The following GATB variants were observed in gnomAD, a reference collection of about 807,000 sequenced individuals.
The protein encoded by GATB is glutamyl-tRNA amidotransferase subunit B.
In GATB, 39 loss-of-function variants were observed where a neutral mutation model predicts 62.3. That is an observed-to-expected ratio of 0.63 (90% confidence interval 0.48 to 0.82). The LOEUF (loss-of-function observed/expected upper bound fraction) is 0.82. Ranked by LOEUF, GATB falls within the 40% of genes least tolerant of loss-of-function variation. The pLI, the probability that GATB is intolerant of heterozygous loss-of-function variation, is 0.00. For missense variants in GATB, 670 were observed against 684.0 expected (o/e 0.98, Z 0.23); for synonymous variants, 276 against 258.9 (o/e 1.07, Z -0.63).
At chr4:151,698,405 C>T (rs1367476683) in intron 9 of GATB, among the ~76,000 whole-genome samples, 1 of 152,086 alleles carries the variant, frequency 6.6e-6, no homozygotes, top group Non-Finnish European at 1.5e-5. Flanking sequence ...TGGGCATGTG[C>T]ATAATGCTTA....
intron 10 of GATB, among the ~76,000 whole-genome samples, chr4:151,686,434 A>G (rs12641438): frequency 0.42 from 63,335 of 151,674 alleles, 13,702 homozygotes; most frequent in South Asian, 0.57. Context: ...TTATTTGTCA[A>G]TATCTGTCTG....
At chr4:151,673,406 G>A (rs1737923514) in intron 11 of GATB, 1 of 153,332 alleles carries the variant, frequency 6.5e-6, no homozygotes, top group Non-Finnish European at 1.5e-5. Flanking sequence ...CCTGCAGGAG[G>A]TAACCACGGT....
chr4:151,702,832 G>A (rs896378062), intron 8 of GATB, among the ~76,000 whole-genome samples: 3 of 152,158 alleles, frequency 2.0e-5, no homozygotes, highest in African/African-American at 7.2e-5. Context: ...AGAAGTGGTG[G>A]TTTGGAGGGA....
chr4:151,689,594 C>T (rs1738321601), intron 9 of GATB, among the ~76,000 whole-genome samples: 1 of 152,168 alleles, frequency 6.6e-6, no homozygotes, highest in African/African-American at 2.4e-5. Flanking sequence ...TGGGCCATGG[C>T]AGCTGCTCAG....
chr4:151,696,941 A>G (rs1233533836), intron 9 of GATB, among the ~76,000 whole-genome samples: 1 of 152,232 alleles, frequency 6.6e-6, no homozygotes, highest in African/African-American at 2.4e-5. Flanking sequence ...TCAGAATCCT[A>G]ATGCCTGGAT....
At chr4:151,702,981 G>T (rs974237317) in intron 8 of GATB, among the ~76,000 whole-genome samples, 5 of 152,144 alleles carry the variant, frequency 3.3e-5, no homozygotes. Context: ...CTGAAGCCAC[G>T]GGCGGATGGA....
At chr4:151,724,428 A>G (rs1386440156) in intron 2 of GATB, 1 of 152,114 alleles carries the variant, frequency 6.6e-6, no homozygotes, top group Non-Finnish European at 1.5e-5. Flanking sequence ...TTGAAGGATA[A>G]ATCTGTTCAT....
At chr4:151,712,191 T>A (rs1273313497) in intron 5 of GATB, among the ~76,000 whole-genome samples, 1 of 152,358 alleles carries the variant, frequency 6.6e-6, no homozygotes, top group Non-Finnish European at 1.5e-5. Context: ...TCATTTAGTA[T>A]CCTGCAGTGT....
intron 10 of GATB, among the ~76,000 whole-genome samples, chr4:151,685,177 C>T (rs1039005222): frequency 3.3e-5 from 5 of 152,204 alleles, no homozygotes; most frequent in Admixed American, 6.5e-5. Context: ...CCTCCAGAAG[C>T]GCAAACACCT....
intron 9 of GATB, among the ~76,000 whole-genome samples, chr4:151,691,354 G>A (rs917618089): frequency 7.9e-5 from 12 of 152,172 alleles, no homozygotes; most frequent in Non-Finnish European, 1.6e-4. Context: ...CAGCAGGCAT[G>A]AGCGGTCCTG....
At chr4:151,748,466 A>C (rs1739648701) in intron 2 of GATB, among the ~76,000 whole-genome samples, 1 of 152,252 alleles carries the variant, frequency 6.6e-6, no homozygotes, top group African/African-American at 2.4e-5. Context: ...CATATGTAGA[A>C]AGCTGAAACT....
chr4:151,716,948 A>G lies in GATB; in HGVS notation c.568T>C (p.Leu190=), dbSNP rs554948125. 6.8e-6 allele frequency: 11 copies of G among 1,614,146 alleles called. No homozygotes were observed. Among genetic ancestry groups the G allele is most frequent in the Middle Eastern group, 1.6e-4 (1 of 6,062 alleles). The part of the protein sequence containing the change: ...PKTVRIKQIQ[L]EQDSGKSLHD... ...AGGCTTTTGCCACTGTCTTGCTCCAACTGGATCTGCTTGATCCTCACCGTC... is the reference window on the plus strand; with the variant it reads ...AGGCTTTTGCCACTGTCTTGCTCCAGCTGGATCTGCTTGATCCTCACCGTC... Residue 190 remains leucine (L), a synonymous_variant, in exon 4 of 13, where the codon TTG becomes CTG. Coordinates refer to ENST00000263985, the MANE Select transcript of GATB (RefSeq NM_004564.3).
At chr4:151,697,668 T>C (rs1738496609) in intron 9 of GATB, among the ~76,000 whole-genome samples, 1 of 148,766 alleles carries the variant, frequency 6.7e-6, no homozygotes, top group Non-Finnish European at 1.5e-5. Context: ...ATAATATATA[T>C]AAATTTATAT....
chr4:151,694,764 T>C (rs760682366), intron 9 of GATB, among the ~76,000 whole-genome samples: 1 of 152,222 alleles, frequency 6.6e-6, no homozygotes, highest in African/African-American at 2.4e-5. Flanking sequence ...ATATGGGATA[T>C]ATAGATATTT....
chr4:151,678,113 CAAA>C (rs1184028744), intron 11 of GATB, among the ~76,000 whole-genome samples: 9 of 151,514 alleles, frequency 5.9e-5, no homozygotes, highest in Admixed American at 4.6e-4. Context: ...GGTAGAAAAA[CAAA>C]AAAAACCCCA....
chr4:151,676,846 G>T (rs1347011121), intron 11 of GATB, among the ~76,000 whole-genome samples: 3 of 152,192 alleles, frequency 2.0e-5, no homozygotes, highest in African/African-American at 7.2e-5. Flanking sequence ...GTAAATGTCG[G>T]GAGCACTGGC....
intron 10 of GATB, among the ~76,000 whole-genome samples, chr4:151,683,499 T>C (rs1738184711): frequency 6.6e-6 from 1 of 152,170 alleles, no homozygotes; most frequent in Non-Finnish European, 1.5e-5. Flanking sequence ...TCCTCTGACT[T>C]GACCCCTAGC....
At chr4:151,721,860 TCTCA>T in intron 2 of GATB, 1 of 286,970 alleles carries the variant, frequency 3.5e-6, no homozygotes, top group Non-Finnish European at 6.4e-6. Context: ...CATCACAGAC[TCTCA>T]CTGTGTCCGT....
intron 2 of GATB, chr4:151,719,802 G>A (rs566110139): frequency 2.2e-5 from 7 of 313,600 alleles, no homozygotes; most frequent in South Asian, 2.1e-4. Flanking sequence ...CCCAGTGCCC[G>A]GCATCAAAGC....
Sources: allele counts gnomAD v4.1 joint callset (sites outside exome capture counted in the v4.1 genomes callset), GRCh38; gene constraint gnomAD v4.1.1; transcripts MANE v1.5; gene names NCBI Gene and HGNC (gene_info 2026-07-23, HGNC 2026-07-21).